AGAP1: variants seen among roughly 807,000 people sequenced by gnomAD.
The protein encoded by AGAP1 is ArfGAP with GTPase domain, ankyrin repeat and PH domain 1.
In AGAP1, 29 loss-of-function variants were observed where a neutral mutation model predicts 105.3. The ratio of observed to expected loss-of-function variants is 0.28; its 90% CI spans 0.21 to 0.38. AGAP1 has a LOEUF of 0.38. Ranked by LOEUF, AGAP1 falls within the 10% of genes least tolerant of loss-of-function variation. The probability of loss-of-function intolerance (pLI) is 1.00; values close to 1 mark genes in which losing one functional copy is unlikely to be tolerated. For synonymous variants in AGAP1, 509 were observed against 485.9 expected, an observed-to-expected ratio of 1.05 and a Z score of -0.63; for missense variants, 998 against 1,165.1, an observed-to-expected ratio of 0.86 and a Z score of 2.09.
At position 236,076,934 on chromosome 2, in the gene AGAP1, T is replaced by G. The variant is rs1178878627; in HGVS notation, c.2114+27653T>G. On this transcript the variant is annotated intron_variant, in intron 16 of 17. Transcript: ENST00000304032. This position sits in a 1 kb window ranked among gnomAD's most constrained non-coding sequence, Gnocchi z 4.4. ...CAGCCAGGGCAACATGGCAAAACCC[T>G]GTCACTACAGAAAATACCCAAAAAA... Among the ~76,000 whole-genome samples the G allele has an allele frequency of 6.6e-6, 1 of 150,712 alleles. No homozygotes were observed. The highest frequency in any genetic ancestry group is 1.5e-5 in the Non-Finnish European group (1 of 67,704).
Position 235,908,943 on chromosome 2 carries a change from A to T in AGAP1, c.1324+37A>T. The T allele has an allele frequency of 6.3e-7, 1 of 1,586,910 alleles. No individual in the cohort carries two copies. Among genetic ancestry groups the T allele is most frequent in the Non-Finnish European group, 8.6e-7 (1 of 1,158,946 alleles). On this transcript the variant is annotated intron_variant, in intron 11 of 17. Coordinates refer to ENST00000304032, the MANE Select transcript of AGAP1 (RefSeq NM_001037131.3). This position sits in a 1 kb window ranked among gnomAD's most constrained non-coding sequence, Gnocchi z 4.4. ...GCAAATGCACTAACAAATCAAGTTC[A>T]ACAGCAACAGGTGGTCCAGGCTCGA...
chr2:235,975,079 A>G (rs911045627), intron 13 of AGAP1, among the ~76,000 whole-genome samples: 1 of 152,260 alleles, frequency 6.6e-6, no homozygotes, highest in Non-Finnish European at 1.5e-5. Context: ...GATTTAGCAC[A>G]TAATGGTTAT....
At chr2:235,821,128 A>G (rs1958763361) in intron 9 of AGAP1, among the ~76,000 whole-genome samples, 2 of 152,244 alleles carry the variant, frequency 1.3e-5, no homozygotes, top group East Asian at 3.8e-4. Flanking sequence ...GCAGTTATTT[A>G]TAATATTAAA....
At chr2:235,500,527 C>T (rs1024909382) in intron 1 of AGAP1, among the ~76,000 whole-genome samples, 1 of 152,192 alleles carries the variant, frequency 6.6e-6, no homozygotes, top group Non-Finnish European at 1.5e-5. Flanking sequence ...TTTCTTCTTC[C>T]TTGCTGTGCT....
intron 1 of AGAP1, among the ~76,000 whole-genome samples, chr2:235,521,381 A>G (rs997248061): frequency 6.6e-6 from 1 of 152,164 alleles, no homozygotes; most frequent in Non-Finnish European, 1.5e-5. Context: ...AATAAATTCT[A>G]AGAGTCCTGG....
chr2:235,707,111 C>T (rs1950573336), intron 1 of AGAP1, among the ~76,000 whole-genome samples: 1 of 152,204 alleles, frequency 6.6e-6, no homozygotes. Flanking sequence ...ATATTTAGCT[C>T]CCAATGTGTC....
At chr2:235,671,182 C>G in intron 1 of AGAP1, 1 of 1,081,638 alleles carries the variant, frequency 9.2e-7, no homozygotes, top group Middle Eastern at 3.5e-4. Context: ...GGGATGCGAA[C>G]TCGGGTACTG....
chr2:235,890,311 G>A (rs750057910), intron 10 of AGAP1, among the ~76,000 whole-genome samples: 5 of 151,870 alleles, frequency 3.3e-5, no homozygotes, highest in Admixed American at 6.6e-5. Context: ...GCACCACCAC[G>A]CCTGGCTAAT....
At chr2:235,678,190 A>G (rs35436699) in intron 1 of AGAP1, among the ~76,000 whole-genome samples, 25,433 of 151,972 alleles carry the variant, frequency 0.17, 2,817 homozygotes, top group Admixed American at 0.33. Flanking sequence ...TCAGCTGCCA[A>G]ACTAGAATCC....
intron 9 of AGAP1, among the ~76,000 whole-genome samples, chr2:235,873,394 T>A (rs547840602): frequency 1.3e-5 from 2 of 152,350 alleles, no homozygotes; most frequent in African/African-American, 4.8e-5. Context: ...TCTTCACTCA[T>A]CAGAGAGCTT....
chr2:235,949,980 C>G (rs2053665028), intron 12 of AGAP1, among the ~76,000 whole-genome samples: 1 of 152,184 alleles, frequency 6.6e-6, no homozygotes, highest in African/African-American at 2.4e-5. Flanking sequence ...TTTTCTGTAG[C>G]CAGCGCTGGG....
chr2:235,843,149 T>C lies in AGAP1; in HGVS notation c.1050+35818T>C, dbSNP rs753235929. Among the ~76,000 whole-genome samples, 1 of 152,192 alleles carries C rather than the reference T, an allele frequency of 6.6e-6. No individual in the cohort carries two copies. The highest frequency in any genetic ancestry group is 1.5e-5 in the Non-Finnish European group (1 of 68,048). ...AGCCCTTTGAGACCAAATCTGCCTG[T>C]GAAGTCGCTGTTCATCCCTGCAGGC... On this transcript the variant is annotated intron_variant, in intron 9 of 17. Coordinates refer to ENST00000304032, the MANE Select transcript of AGAP1 (RefSeq NM_001037131.3). The surrounding 1 kb of genome is among the most constrained non-coding windows in gnomAD (Gnocchi z 5.9).
At chr2:235,675,189 GGT>G (rs1948663700) in intron 1 of AGAP1, among the ~76,000 whole-genome samples, 1 of 112,590 alleles carries the variant, frequency 8.9e-6, no homozygotes, top group Admixed American at 1.2e-4. Context: ...TTGGTTGGTT[GGT>G]TTTTTTTTTT....
At chr2:235,816,427 G>T (rs1247350516) in intron 9 of AGAP1, among the ~76,000 whole-genome samples, 2 of 128,314 alleles carry the variant, frequency 1.6e-5, no homozygotes, top group Admixed American at 8.3e-5. Context: ...GGCAGAGCGA[G>T]ACTCCGTCTC....
Position 236,127,278 on chromosome 2 carries a change from CCAGCACCCCAGT to C in AGAP1, c.*3158_*3169del, listed in dbSNP as rs2060018777. 1 of 152,188 alleles carries C rather than the reference CCAGCACCCCAGT, an allele frequency of 6.6e-6. No homozygotes were observed. The highest frequency in any genetic ancestry group is 2.4e-5 in the African/African-American group (1 of 41,428). 9.4% of individuals were successfully genotyped at this position (152,188 alleles called of 1,614,324 possible). The stretch of plus-strand genomic sequence containing the variant: ...GGGACGGGCAGATGGTTTCCCCCGC[CCAGCACCCCAGT>C]CCTGGTCCCTGGTCCCTCTCTCTGT... On this transcript the variant is annotated 3_prime_UTR_variant, in exon 18 of 18. Transcript: ENST00000304032. The surrounding 1 kb of genome is among the most constrained non-coding windows in gnomAD (Gnocchi z 6.6).
Position 235,596,046 on chromosome 2 carries a change from G to A in AGAP1, c.163+101197G>A, listed in dbSNP as rs555711545. Reference sequence around the variant, plus strand: ...GCTCCTGGAAGTGGTTGTGAAAATCGCAGCCCTGTGAATTGTGTGCCCTAA... The same window carrying A: ...GCTCCTGGAAGTGGTTGTGAAAATCACAGCCCTGTGAATTGTGTGCCCTAA... On this transcript the variant is annotated intron_variant, in intron 1 of 17. Transcript: ENST00000304032. The surrounding 1 kb of genome is among the most constrained non-coding windows in gnomAD (Gnocchi z 5.9). Among the ~76,000 whole-genome samples, 2 of 152,168 alleles carry A rather than the reference G, an allele frequency of 1.3e-5. No homozygotes were observed. The highest frequency in any genetic ancestry group is 4.8e-5 in the African/African-American group (2 of 41,448).
intron 16 of AGAP1, among the ~76,000 whole-genome samples, chr2:236,075,247 G>A (rs1357977265): frequency 2.6e-5 from 4 of 152,002 alleles, no homozygotes; most frequent in African/African-American, 4.8e-5. Flanking sequence ...ATGGTTGCGC[G>A]CTGGGTTTTT....
intron 9 of AGAP1, among the ~76,000 whole-genome samples, chr2:235,814,108 G>T (rs1214034408): frequency 6.6e-6 from 1 of 152,194 alleles, no homozygotes; most frequent in South Asian, 2.1e-4. Context: ...GCACAGGATG[G>T]GGGGAGTGGC....
At chr2:235,796,388 G>A (rs1957243671) in intron 6 of AGAP1, among the ~76,000 whole-genome samples, 1 of 152,180 alleles carries the variant, frequency 6.6e-6, no homozygotes, top group Non-Finnish European at 1.5e-5. Flanking sequence ...GTTCTGAGAT[G>A]ACAGAGTGCT....
Sources: allele counts gnomAD v4.1 joint callset (sites outside exome capture counted in the v4.1 genomes callset), GRCh38; gene constraint gnomAD v4.1.1; non-coding constraint Gnocchi (gnomAD v3.1); transcripts MANE v1.5; gene names NCBI Gene and HGNC (gene_info 2026-07-23, HGNC 2026-07-21).